The following KCNH3 variants were observed in gnomAD, a reference collection of about 807,000 sequenced individuals.
The protein encoded by KCNH3 is voltage-gated inwardly rectifying potassium channel KCNH3.
Under a neutral mutation model 95.6 loss-of-function variants are expected in KCNH3, and 36 were observed. That is an observed-to-expected ratio of 0.38 (90% confidence interval 0.29 to 0.50). KCNH3 has a LOEUF of 0.50. KCNH3 is among the 20% of genes least tolerant of loss of function. The pLI is 0.95. For missense variants in KCNH3, 1,030 were observed against 1,484.1 expected (o/e 0.69, Z 5.03); for synonymous variants, 620 against 646.3 (o/e 0.96, Z 0.62).
At chr12:49,555,440 C>CTT (rs1303484412) in intron 11 of KCNH3, among the ~76,000 whole-genome samples, 180 bp from the exon 12 acceptor site, 2 of 138,062 alleles carry the variant, frequency 1.4e-5, no homozygotes, top group Non-Finnish European at 3.1e-5. Context: ...GAGTAAGACT[C>CTT]TGTCTCAAAA....
At chr12:49,554,241 C>A in intron 10 of KCNH3, 96 bp from the exon 11 acceptor site, 1 of 971,464 alleles carries the variant, frequency 1.0e-6, no homozygotes, top group Non-Finnish European at 1.6e-6. Flanking sequence ...GAGGCCCAGC[C>A]CAGCTCTGAA....
In KCNH3 at chr12:49,557,865, G is replaced by C. The variant is rs1344413655; in HGVS notation, c.3164G>C (p.Trp1055Ser). The change falls in exon 15 of 15, where the codon TGG becomes TCG. Residue 1055 changes from tryptophan (W) to serine (S), a missense_variant. Physicochemically the swap from Trp to Ser is radical, Grantham distance 177 (BLOSUM62 -3). Around this residue, in one of 9 missense-constraint regions of KCNH3, gnomAD observed 464 missense variants for 493.2 expected, o/e 0.94. Coordinates refer to ENST00000257981, the MANE Select transcript of KCNH3 (RefSeq NM_012284.3). ...GGGTCAGGGGGCCTGGCCTTGCCCTGGGACCCCCACAGCCTGGAGATGGTG... is the reference window on the plus strand; with the variant it reads ...GGGTCAGGGGGCCTGGCCTTGCCCTCGGACCCCCACAGCCTGGAGATGGTG... ...PPGSGGLALP[W>S]DPHSLEMVLI... 1.9e-6 allele frequency: 3 copies of C among 1,580,720 alleles called. No individual in the cohort carries two copies. The African/African-American group carries it at 4.1e-5, about 21-fold the overall frequency.
In KCNH3 at chr12:49,550,090, G is replaced by A; in HGVS notation, c.1679G>A (p.Ser560Asn). 7.0e-7 allele frequency: 1 copy of A among 1,422,798 alleles called. No individual in the cohort carries two copies. The highest frequency in any genetic ancestry group is 9.5e-7 in the Non-Finnish European group (1 of 1,053,028). 88.1% of individuals were successfully genotyped at this position (1,422,798 alleles called of 1,614,324 possible). ...CCTGCTCACCTGCAGCTGCTGCAGAGCCTCCCTGACGAGCTGCGCGCAGAC... is the reference window on the plus strand; with the variant it reads ...CCTGCTCACCTGCAGCTGCTGCAGAACCTCCCTGACGAGCTGCGCGCAGAC... ...NGIDTTELLQSLPDELRADIA... is the reference protein window; with the variant it reads ...NGIDTTELLQNLPDELRADIA... The change falls in exon 10 of 15, where the codon AGC becomes AAC. Residue 560 changes from serine to asparagine, a missense_variant. By Grantham distance (46) the Ser-to-Asn change is conservative. Transcript: ENST00000257981.
At chr12:49,556,075 C>T in intron 12 of KCNH3, 124 bp downstream of exon 12, 1 of 610,018 alleles carries the variant, frequency 1.6e-6, no homozygotes, top group Non-Finnish European at 2.9e-6. Flanking sequence ...GTGGGCCAAG[C>T]CTGCCTCCTC....
Position 49,549,004 on chromosome 12 carries a change from C to T in KCNH3, c.1299C>T (p.Ser433=). ...AGAGTGACAACTGCAGCAGCAGCAG[C>T]GAGGCCAACGGGACGGGGCTGGAGC... The part of the protein sequence containing the change: ...SGQSDNCSSS[S]EANGTGLELL... Residue 433 remains serine (S), a synonymous_variant, in exon 8 of 15, where the codon AGC becomes AGT. Coordinates refer to ENST00000257981, the MANE Select transcript of KCNH3 (RefSeq NM_012284.3). The T allele has an allele frequency of 6.2e-7, 1 of 1,611,348 alleles. No individual in the cohort carries two copies. The highest frequency in any genetic ancestry group is 8.5e-7 in the Non-Finnish European group (1 of 1,179,364).
rs1937990253 is a variant in KCNH3 at position 49,544,445 on chromosome 12, G to C, written c.1189+63G>C. ...TTGTGTCAGAGGAGTGTGAGTGCCAGCGTGGGTGCAGATGTGTGGTGTCCC... is the reference window on the plus strand; with the variant it reads ...TTGTGTCAGAGGAGTGTGAGTGCCACCGTGGGTGCAGATGTGTGGTGTCCC... On this transcript the variant is annotated intron_variant, in intron 7 of 14. Transcript: ENST00000257981. 2.6e-6 allele frequency: 4 copies of C among 1,527,432 alleles called. No individual in the cohort carries two copies. The Admixed American group carries it at 5.0e-5, about 19-fold the overall frequency. The allele number at this position is 1,527,432 out of a possible 1,614,324, so 94.6% of individuals were successfully genotyped here. A position where few individuals can be genotyped will look rare whatever the true frequency, so the allele number is the denominator to read the frequency against.
chr12:49,542,669 A>C (rs1478290833), intron 3 of KCNH3, 37 bp from the exon 4 acceptor site: 5 of 1,542,954 alleles, frequency 3.2e-6, no homozygotes. Flanking sequence ...GTGTGGGCAC[A>C]CACCCATCAT....
intron 7 of KCNH3, among the ~76,000 whole-genome samples, chr12:49,548,098 G>T (rs969408389): frequency 2.9e-5 from 2 of 68,958 alleles, no homozygotes; most frequent in African/African-American, 2.4e-4. Flanking sequence ...GTGACTACGT[G>T]TGTGTGTGTG....
chr12:49,540,991 C>T lies in KCNH3; in HGVS notation c.169C>T (p.Arg57Trp). ...CTTCTGTGACCTCACGGGCTTCTCC[C>T]GGGCTGAGGTCATGCAGCGGGGCTG... ...DGFCDLTGFS[R>W]AEVMQRGCAC... The change falls in exon 2 of 15, where the codon CGG becomes TGG. Residue 57 changes from arginine (R) to tryptophan (W), a missense_variant. Around this residue, in one of 9 missense-constraint regions of KCNH3, gnomAD observed 63 missense variants for 107.7 expected, o/e 0.59. Coordinates refer to ENST00000257981, the MANE Select transcript of KCNH3 (RefSeq NM_012284.3). 1 of 1,614,154 alleles carries T rather than the reference C, an allele frequency of 6.2e-7. No homozygotes were observed. The highest frequency in any genetic ancestry group is 8.5e-7 in the Non-Finnish European group (1 of 1,180,028).
intron 9 of KCNH3, 110 bp downstream of exon 9, chr12:49,549,750 C>G: frequency 1.9e-6 from 2 of 1,067,028 alleles, no homozygotes; most frequent in Non-Finnish European, 2.7e-6. Context: ...GGCCCCTGTG[C>G]CTCCCTTCTC....
chr12:49,549,511 G>A lies in KCNH3; in HGVS notation c.1539G>A (p.Leu513=), dbSNP rs1377506317. ...IIQRMYARRF[L]YHSRTRDLRD... is the part of the protein sequence containing the mutation. ...AGCGCATGTACGCCCGCCGCTTTCT[G>A]TACCACAGCCGCACGCGCGACCTGC... Residue 513 remains leucine (L), a synonymous_variant, in exon 9 of 15, where the codon CTG becomes CTA. Transcript: ENST00000257981. The A allele has an allele frequency of 3.1e-6, 5 of 1,613,752 alleles. No homozygotes were observed. The highest frequency in any genetic ancestry group is 4.2e-6 in the Non-Finnish European group (5 of 1,180,046).
intron 12 of KCNH3, 97 bp from the exon 13 acceptor site, chr12:49,556,273 G>A (rs12822089): frequency 1.8e-5 from 16 of 890,858 alleles, no homozygotes; most frequent in Non-Finnish European, 2.6e-5. Flanking sequence ...CCACGCTCCT[G>A]CAGCCTGTGT....
In KCNH3 at chr12:49,544,026, T is replaced by C; in HGVS notation, c.935T>C (p.Ile312Thr). Residue 312 changes from isoleucine (I) to threonine (T), a missense_variant, in exon 6 of 15, where the codon ATC (isoleucine) becomes ACC (threonine). Ile to Thr is a moderately conservative substitution (Grantham distance 89). This residue lies in a region of KCNH3 where 153 missense variants were observed against 288.5 expected (regional missense o/e 0.53). Transcript: ENST00000257981. ...YVTTWFLLDV[I>T]AALPFDLLHA... is the part of the protein sequence containing the mutation. ...ACCACCTGGTTCCTGCTGGATGTCA[T>C]CGCAGCGCTGCCCTTTGACCTGCTA... 6.2e-7 allele frequency: 1 copy of C among 1,613,916 alleles called. No individual in the cohort carries two copies. Among genetic ancestry groups the C allele is most frequent in the East Asian group, 2.2e-5 (1 of 44,864 alleles).
Position 49,549,020 on chromosome 12 carries a change from G to GGGC in KCNH3, c.1316_1318dup (p.Gly439_Leu440insArg), listed in dbSNP as rs778377608. On this transcript the variant is annotated inframe_insertion, in exon 8 of 15. Transcript: ENST00000257981. ...CAGCAGCAGCGAGGCCAACGGGACG[G>GGGC]GGCTGGAGCTGCTGGGCGGCCCGTC... 6.2e-7 allele frequency: 1 copy of GGGC among 1,611,952 alleles called. No homozygotes were observed. Among genetic ancestry groups the GGGC allele is most frequent in the Non-Finnish European group, 8.5e-7 (1 of 1,179,608 alleles).
At position 49,546,663 on chromosome 12, in the gene KCNH3, C is replaced by G. The variant is rs536792828; in HGVS notation, c.1190-2232C>G. ...CCTTGGTGTGCGAGCCCCCAGCCTC[C>G]GGGACAGCTCCTGCTGGCCTGACCC... On this transcript the variant is annotated intron_variant, in intron 7 of 14. Transcript: ENST00000257981. 2.6e-5 allele frequency among the ~76,000 whole-genome samples: 4 copies of G among 152,292 alleles called. No individual in the cohort carries two copies. The East Asian group carries it at 7.7e-4, about 29-fold the overall frequency.
In KCNH3 at chr12:49,554,328, T is replaced by C. The variant is rs373345745; in HGVS notation, c.1919-9T>C. 1.1e-4 allele frequency: 179 copies of C among 1,612,156 alleles called. 1 individual carries two copies. In the African/African-American group the frequency reaches 2.1e-3, roughly 19 times the overall value. ...TCAGGGCTTGCTGACCTCTACTTCC[T>C]CTCCCCAGGGAAGGGCGACCTGATC... On this transcript the variant is annotated splice_polypyrimidine_tract_variant and intron_variant, in intron 10 of 14. Transcript: ENST00000257981.
chr12:49,549,748 T>A, intron 9 of KCNH3, 108 bp downstream of exon 9: 2 of 1,096,820 alleles, frequency 1.8e-6, no homozygotes, highest in Non-Finnish European at 2.6e-6. Context: ...TTGGCCCCTG[T>A]GCCTCCCTTC....
At chr12:49,542,950 C>A in intron 4 of KCNH3, 111 bp downstream of exon 4, 1 of 1,383,264 alleles carries the variant, frequency 7.2e-7, no homozygotes, top group Non-Finnish European at 9.7e-7. Context: ...CCAGGCCTTG[C>A]CAGCACTTTG....
In KCNH3 at chr12:49,539,769, C is replaced by T. The variant is rs934326051; in HGVS notation, c.76+277C>T. On this transcript the variant is annotated intron_variant, in intron 1 of 14. Transcript: ENST00000257981. This position sits in a 1 kb window ranked among gnomAD's most constrained non-coding sequence, Gnocchi z 6.7. ...CTCTCTGTTAGCCGGGTCTCGAACC[C>T]GAACCTAGTCAGTCTGACCCATCCC... Among the ~76,000 whole-genome samples, 3 of 152,178 alleles carry T rather than the reference C, an allele frequency of 2.0e-5. No individual in the cohort carries two copies. The highest frequency in any genetic ancestry group is 4.4e-5 in the Non-Finnish European group (3 of 68,020).
Sources: allele counts gnomAD v4.1 joint callset (sites outside exome capture counted in the v4.1 genomes callset), GRCh38; gene constraint gnomAD v4.1.1; regional missense constraint gnomAD v4.1.1; non-coding constraint Gnocchi (gnomAD v3.1); transcripts MANE v1.5; gene names NCBI Gene and HGNC (gene_info 2026-07-23, HGNC 2026-07-21).